GCNT2: variants seen among roughly 807,000 people sequenced by gnomAD.
GCNT2 encodes the protein N-acetyllactosaminide beta-1,6-N-acetylglucosaminyl-transferase.
A neutral mutation model predicts 34.2 loss-of-function variants in GCNT2; 34 were observed. The observed-to-expected ratio is 1.00, with a 90% CI of 0.76 to 1.32. The LOEUF is 1.32. Ranked by LOEUF, GCNT2 falls within the 40% of genes most tolerant of loss-of-function variation. The pLI is 0.00. For missense variants in GCNT2, 584 were observed against 489.4 expected (o/e 1.19, Z -1.82); for synonymous variants, 212 against 188.0 (o/e 1.13, Z -1.04).
Position 10,529,407 on chromosome 6 carries a change from A to G in GCNT2, c.496A>G (p.Arg166Gly). 1 of 1,614,136 alleles carries G rather than the reference A, an allele frequency of 6.2e-7. No individual in the cohort carries two copies. Among genetic ancestry groups the G allele is most frequent in the South Asian group, 1.1e-5 (1 of 91,084 alleles). ...KESVVYGGIS[R>G]LQADLNCLED... ...GTCGGTTGTCTATGGGGGGATCTCC[A>G]GGCTCCAGGCTGACCTGAACTGCCT... Residue 166 changes from arginine (R) to glycine (G), a missense_variant, in exon 3 of 5, where the codon AGG (arginine) becomes GGG (glycine). By Grantham distance (125) the Arg-to-Gly change is moderately radical (BLOSUM62 -2). Coordinates refer to ENST00000495262, the MANE Select transcript of GCNT2 (RefSeq NM_145649.5).
At chr6:10,585,796 A>G in intron 3 of GCNT2, 1 of 1,441,604 alleles carries the variant, frequency 6.9e-7, no homozygotes. Context: ...CCGCATCTCC[A>G]GGCACATCCA....
chr6:10,607,909 G>A (rs73721320), intron 3 of GCNT2, among the ~76,000 whole-genome samples: 18,756 of 151,974 alleles, frequency 0.12, 1,783 homozygotes, highest in African/African-American at 0.27. Flanking sequence ...TAACCTGTCA[G>A]TGGTCTCACA....
chr6:10,560,061 T>C (rs749302919), intron 3 of GCNT2, among the ~76,000 whole-genome samples: 6 of 152,208 alleles, frequency 3.9e-5, no homozygotes, highest in African/African-American at 1.4e-4. Context: ...CTGGTTCTTA[T>C]ATAACCACAC....
chr6:10,564,791 TAATA>T (rs1444337191), intron 3 of GCNT2, among the ~76,000 whole-genome samples: 9 of 152,346 alleles, frequency 5.9e-5, no homozygotes, highest in African/African-American at 1.7e-4. Flanking sequence ...GATATTCATT[TAATA>T]AATATTTATG....
intron 3 of GCNT2, among the ~76,000 whole-genome samples, chr6:10,535,359 T>C (rs769861714): frequency 2.6e-4 from 40 of 152,214 alleles, no homozygotes; most frequent in Non-Finnish European, 5.6e-4. Flanking sequence ...CTAGCTGTTA[T>C]GAAATTAGGG....
chr6:10,556,266 T>C, intron 3 of GCNT2: 5 of 1,483,460 alleles, frequency 3.4e-6, no homozygotes, highest in Non-Finnish European at 4.4e-6. Flanking sequence ...AGACAGCAGC[T>C]GGACTCTCGG....
At chr6:10,530,054 A>AAC (rs1761410153) in intron 3 of GCNT2, 4 of 528,358 alleles carry the variant, frequency 7.6e-6, no homozygotes, top group Non-Finnish European at 1.4e-5. Flanking sequence ...AGACCGAAGG[A>AAC]ACACTGGCCA....
At chr6:10,571,990 G>A (rs752920841) in intron 3 of GCNT2, among the ~76,000 whole-genome samples, 3 of 152,132 alleles carry the variant, frequency 2.0e-5, no homozygotes, top group Non-Finnish European at 4.4e-5. Context: ...ACCTTCAGTA[G>A]TAATTGTCTA....
At chr6:10,556,187 G>T (rs567624110) in intron 3 of GCNT2, 34 of 1,393,854 alleles carry the variant, frequency 2.4e-5, no homozygotes, top group Admixed American at 3.1e-5. Flanking sequence ...TCAGCAACCT[G>T]CCACGGGGAT....
At chr6:10,607,499 C>G (rs943752880) in intron 3 of GCNT2, among the ~76,000 whole-genome samples, 2 of 152,082 alleles carry the variant, frequency 1.3e-5, no homozygotes, top group African/African-American at 4.8e-5. Flanking sequence ...CCACCCAGAC[C>G]CCAGCTCCAA....
intron 3 of GCNT2, among the ~76,000 whole-genome samples, chr6:10,594,915 G>A (rs539035840): frequency 6.6e-6 from 1 of 151,800 alleles, no homozygotes; most frequent in African/African-American, 2.4e-5. Flanking sequence ...GTGTGATCAC[G>A]GCTCACTGTA....
In GCNT2 at chr6:10,529,235, C is replaced by T. The variant is rs754727250; in HGVS notation, c.324C>T (p.Gly108=). The T allele has an allele frequency of 8.7e-6, 14 of 1,614,064 alleles. No homozygotes were observed. In the South Asian group the frequency reaches 1.3e-4, roughly 15 times the overall value. Reference sequence around the variant, plus strand: ...CAGTGACCATCCACAAAGACTTCGGCACTTTTGAGAGGCTCTTCAGGGCGA... The same window carrying T: ...CAGTGACCATCCACAAAGACTTCGGTACTTTTGAGAGGCTCTTCAGGGCGA... ...AYTVTIHKDF[G]TFERLFRAIY... is the part of the protein sequence containing the mutation. The change falls in exon 3 of 5, where the codon GGC becomes GGT. Residue 108 remains glycine, a synonymous_variant. Transcript: ENST00000495262.
intron 3 of GCNT2, chr6:10,556,063 A>G: frequency 8.6e-7 from 1 of 1,162,056 alleles, no homozygotes; most frequent in Middle Eastern, 3.9e-4. Flanking sequence ...ATGGGAAATG[A>G]AAGAAAGAGA....
chr6:10,538,408 C>CA (rs70991023), intron 3 of GCNT2, among the ~76,000 whole-genome samples: 1,383 of 40,200 alleles, frequency 0.034, 332 homozygotes, highest in Non-Finnish European at 0.047. Context: ...GACTCCGTCT[C>CA]AAAAAAAAAA....
At chr6:10,615,109 T>C (rs1014148293) in intron 3 of GCNT2, among the ~76,000 whole-genome samples, 1 of 152,130 alleles carries the variant, frequency 6.6e-6, no homozygotes, top group Non-Finnish European at 1.5e-5. Context: ...AGTAAGAGAC[T>C]AACCTACAAA....
intron 3 of GCNT2, among the ~76,000 whole-genome samples, chr6:10,542,524 A>G (rs1342652450): frequency 6.6e-6 from 1 of 152,094 alleles, no homozygotes; most frequent in Non-Finnish European, 1.5e-5. Context: ...ACCACTTCCC[A>G]TTTCCACACC....
chr6:10,570,161 C>T (rs182941635), intron 3 of GCNT2, among the ~76,000 whole-genome samples: 9 of 152,276 alleles, frequency 5.9e-5, no homozygotes, highest in Non-Finnish European at 1.5e-5. Flanking sequence ...TCTTGAACTC[C>T]TGGACTCAAG....
intron 3 of GCNT2, among the ~76,000 whole-genome samples, chr6:10,561,226 G>C (rs576889643): frequency 1.3e-3 from 202 of 152,086 alleles, no homozygotes; most frequent in African/African-American, 4.7e-3. Context: ...GCAATGGCAC[G>C]ATCTTGGCTC....
At chr6:10,571,265 C>G (rs1386751051) in intron 3 of GCNT2, among the ~76,000 whole-genome samples, 1 of 152,108 alleles carries the variant, frequency 6.6e-6, no homozygotes, top group Non-Finnish European at 1.5e-5. Flanking sequence ...GAAGATCTCT[C>G]AAGTTACACG....
Sources: gnomAD v4.1 joint callset for allele counts (sites outside exome capture counted in the v4.1 genomes callset) on GRCh38, gnomAD v4.1.1 for gene constraint, MANE v1.5 for transcripts, NCBI Gene and HGNC (gene_info 2026-07-23, HGNC 2026-07-21) for gene names.